NIT2: variants seen among roughly 807,000 people sequenced by gnomAD.
The protein encoded by NIT2 is omega-amidase NIT2.
NIT2 carries 46 observed loss-of-function variants against 42.7 expected under a neutral mutation model. The observed-to-expected ratio is 1.08, with a 90% CI of 0.85 to 1.38. The LOEUF (loss-of-function observed/expected upper bound fraction) is 1.38, where lower values mean the gene tolerates loss of function less well. Ranked by LOEUF, NIT2 falls within the 40% of genes most tolerant of loss-of-function variation. NIT2 has a pLI of 0.00. For missense variants in NIT2, 309 were observed against 342.5 expected (o/e 0.90, Z 0.77); for synonymous variants, 123 against 121.9 (o/e 1.01, Z -0.06).
chr3:100,360,770 G>C lies in NIT2; in HGVS notation c.*5502G>C, dbSNP rs960000205. 3.9e-5 allele frequency: 6 copies of C among 152,180 alleles called. No individual in the cohort carries two copies. The highest frequency in any genetic ancestry group is 1.4e-4 in the African/African-American group (6 of 41,438). 9.4% of individuals were successfully genotyped at this position (152,180 alleles called of 1,614,324 possible). On this transcript the variant is annotated 3_prime_UTR_variant, in exon 10 of 10. Transcript: ENST00000394140. The stretch of plus-strand genomic sequence containing the variant: ...CATACATTTTGTGAGTAGAGGCATT[G>C]GTGTTTTGTTCCAAACTATCCAATC...
intron 3 of NIT2, among the ~76,000 whole-genome samples, chr3:100,340,779 A>G (rs1163817857): frequency 2.6e-5 from 4 of 152,166 alleles, no homozygotes; most frequent in Admixed American, 2.6e-4. Context: ...GTTATTTTTT[A>G]AACCTGTCTT....
intron 1 of NIT2, among the ~76,000 whole-genome samples, chr3:100,335,444 G>T (rs1182529249): frequency 6.6e-6 from 1 of 152,138 alleles, no homozygotes; most frequent in Non-Finnish European, 1.5e-5. Flanking sequence ...CCTTGGTAAG[G>T]TCTTCGTTGT....
chr3:100,355,045 T>C, intron 9 of NIT2, 132 bp from the exon 10 acceptor site: 2 of 732,170 alleles, frequency 2.7e-6, no homozygotes, highest in East Asian at 5.3e-5. Context: ...AGGCCATCTG[T>C]GCACCTAGAT....
chr3:100,351,015 G>T (rs1706267264), intron 7 of NIT2, among the ~76,000 whole-genome samples: 1 of 152,052 alleles, frequency 6.6e-6, no homozygotes, highest in African/African-American at 2.4e-5. Context: ...TTTCATCCAT[G>T]TCCCTACAAA....
Position 100,354,801 on chromosome 3 carries a change from A to G in NIT2, c.713A>G (p.Glu238Gly). The G allele has an allele frequency of 6.2e-7, 1 of 1,610,324 alleles. No individual in the cohort carries two copies. The part of the protein sequence containing the change: ...WGEVLAKAGT[E>G]EAIVYSDIDL... ...GAGGTTCTAGCCAAAGCTGGCACAG[A>G]AGAAGCAATCGTGTATTCAGACATA... Residue 238 changes from glutamate (E) to glycine (G), a missense_variant, in exon 9 of 10, where the codon GAA (glutamate) becomes GGA (glycine). Coordinates refer to ENST00000394140, the MANE Select transcript of NIT2 (RefSeq NM_020202.5).
chr3:100,339,865 G>T lies in NIT2; in HGVS notation c.177G>T (p.Glu59Asp), dbSNP rs1371253243. 1.2e-6 allele frequency: 2 copies of T among 1,613,426 alleles called. No homozygotes were observed. The highest frequency in any genetic ancestry group is 3.3e-5 in the Admixed American group (2 of 59,956). The change falls in exon 3 of 10, where the codon GAG becomes GAT. Residue 59 changes from glutamate to aspartate, a missense_variant. Coordinates refer to ENST00000394140, the MANE Select transcript of NIT2 (RefSeq NM_020202.5). ...YGAKYFPEYA[E>D]KIPGESTQKL... ...CGAAATATTTTCCTGAATATGCAGA[G>T]AAAATTCCTGGTGAATCCACACAGA...
chr3:100,344,685 G>A (rs57155242), intron 4 of NIT2, among the ~76,000 whole-genome samples: 15,572 of 151,004 alleles, frequency 0.1, 1,126 homozygotes, highest in African/African-American at 0.2. Flanking sequence ...TTGCTCTGTC[G>A]CTTAGGCTGG....
intron 4 of NIT2, among the ~76,000 whole-genome samples, chr3:100,341,389 G>A (rs1313724173): frequency 6.6e-6 from 1 of 150,668 alleles, no homozygotes; most frequent in African/African-American, 2.4e-5. Context: ...TTTTTTTTTT[G>A]ACAGAATCTC....
intron 8 of NIT2, 57 bp downstream of exon 8, chr3:100,352,559 C>T (rs546427060): frequency 2.7e-5 from 37 of 1,361,274 alleles, no homozygotes; most frequent in East Asian, 1.4e-4. Context: ...AGTGGTGGCT[C>T]GTTGGCAGAT....
In NIT2 at chr3:100,360,216, G is replaced by C. The variant is rs541762556; in HGVS notation, c.*4948G>C. 2 of 152,320 alleles carry C rather than the reference G, an allele frequency of 1.3e-5. No individual in the cohort carries two copies. Among genetic ancestry groups the C allele is most frequent in the Admixed American group, 1.3e-4 (2 of 15,304 alleles). 9.4% of individuals were successfully genotyped at this position (152,320 alleles called of 1,614,324 possible). Reference sequence around the variant, plus strand: ...CCTTACCTTAAGGGAGTCTGATCTGGGAAGAGCCTGGGACGTGATGTAACT... The same window carrying C: ...CCTTACCTTAAGGGAGTCTGATCTGCGAAGAGCCTGGGACGTGATGTAACT... On this transcript the variant is annotated 3_prime_UTR_variant, in exon 10 of 10. Transcript: ENST00000394140.
chr3:100,351,215 T>C (rs1179150394), intron 7 of NIT2, among the ~76,000 whole-genome samples: 4 of 152,192 alleles, frequency 2.6e-5, no homozygotes, highest in Non-Finnish European at 4.4e-5. Context: ...CCTTTGGGTA[T>C]ATACCCAGCT....
intron 6 of NIT2, among the ~76,000 whole-genome samples, chr3:100,346,540 C>T (rs987924017): frequency 6.6e-6 from 1 of 152,008 alleles, no homozygotes; most frequent in Non-Finnish European, 1.5e-5. Context: ...CACTTGAAGC[C>T]CAGTAGAAAT....
In NIT2 at chr3:100,361,143, C is replaced by CAG. The variant is rs1308813307; in HGVS notation, c.*5876_*5877dup. 4 of 152,666 alleles carry CAG rather than the reference C, an allele frequency of 2.6e-5. No individual in the cohort carries two copies. Among genetic ancestry groups the CAG allele is most frequent in the Admixed American group, 2.0e-4 (3 of 15,282 alleles). The allele number at this position is 152,666 out of a possible 1,614,324, so 9.5% of individuals were successfully genotyped here. A position where few individuals can be genotyped will look rare whatever the true frequency, so the allele number is the denominator to read the frequency against. On this transcript the variant is annotated 3_prime_UTR_variant, in exon 10 of 10. Coordinates refer to ENST00000394140, the MANE Select transcript of NIT2 (RefSeq NM_020202.5). The stretch of plus-strand genomic sequence containing the variant: ...GAAGGGTAACATCTTAGACCTTTTA[C>CAG]AGCTCTTGACACAGAGCAATATTGA...
intron 6 of NIT2, among the ~76,000 whole-genome samples, chr3:100,346,968 A>G (rs1706224176): frequency 6.6e-6 from 1 of 152,180 alleles, no homozygotes; most frequent in South Asian, 2.1e-4. Context: ...CTGTTGAGCC[A>G]TATATCAATA....
intron 2 of NIT2, among the ~76,000 whole-genome samples, 193 bp downstream of exon 2, chr3:100,339,398 G>A (rs1200858677): frequency 1.3e-5 from 2 of 152,132 alleles, no homozygotes; most frequent in Non-Finnish European, 2.9e-5. Context: ...ACGGTCATAG[G>A]TCTTTAGGTT....
At chr3:100,348,981 C>A in intron 7 of NIT2, 100 bp downstream of exon 7, 1 of 968,988 alleles carries the variant, frequency 1.0e-6, no homozygotes, top group African/African-American at 1.6e-5. Flanking sequence ...TGGATTCTGT[C>A]CCTGACTCAG....
intron 1 of NIT2, chr3:100,335,158 C>T (rs1300942891): frequency 3.3e-6 from 1 of 299,200 alleles, no homozygotes; most frequent in African/African-American, 2.3e-5. Flanking sequence ...GTGACCTCCT[C>T]CAGCCCCGCC....
At chr3:100,343,956 GC>G (rs1341982564) in intron 4 of NIT2, among the ~76,000 whole-genome samples, 1 of 152,222 alleles carries the variant, frequency 6.6e-6, no homozygotes, top group African/African-American at 2.4e-5. Flanking sequence ...GGTTAACTTG[GC>G]CGCACCCAAA....
rs1366998369 is a variant in NIT2 at position 100,334,797 on chromosome 3, C to T, written c.6C>T (p.Thr2=). The T allele has an allele frequency of 5.4e-6, 7 of 1,305,780 alleles. No homozygotes were observed. Among genetic ancestry groups the T allele is most frequent in the East Asian group, 2.8e-5 (1 of 35,594 alleles). 80.9% of individuals were successfully genotyped at this position (1,305,780 alleles called of 1,614,324 possible). A position where few individuals can be genotyped will look rare whatever the true frequency, so the allele number is the denominator to read the frequency against. M[T]SFRLALIQLQ... ...TGGTGCTTGTCTGCAGAGTCATGAC[C>T]TGTAAGTGGCGCGGCCGCGCGCTGC... Residue 2 remains threonine, a splice_region_variant and synonymous_variant, in exon 1 of 10, where the codon ACC becomes ACT. Transcript: ENST00000394140.
Sources: gnomAD v4.1 joint callset for allele counts (sites outside exome capture counted in the v4.1 genomes callset) on GRCh38, gnomAD v4.1.1 for gene constraint, MANE v1.5 for transcripts, NCBI Gene and HGNC (gene_info 2026-07-23, HGNC 2026-07-21) for gene names.